LOXHD1: variants seen among roughly 807,000 people sequenced by gnomAD.
LOXHD1 encodes lipoxygenase homology domain-containing protein 1.
Under a neutral mutation model 248.2 loss-of-function variants are expected in LOXHD1, and 205 were observed. The ratio of observed to expected loss-of-function variants is 0.83; its 90% CI spans 0.74 to 0.93. The LOEUF is 0.93. Among genes scored for constraint, LOXHD1 ranks in the 40% least tolerant of loss-of-function variants. LOXHD1 has a pLI of 0.00. For synonymous variants in LOXHD1, 1,113 were observed against 1,162.8 expected (o/e 0.96, Z 0.87); for missense variants, 2,930 against 2,971.6 (o/e 0.99, Z 0.33).
At chr18:46,586,953 G>T (rs964509514) in intron 12 of LOXHD1, among the ~76,000 whole-genome samples, 1 of 152,226 alleles carries the variant, frequency 6.6e-6, no homozygotes, top group African/African-American at 2.4e-5. Flanking sequence ...CAAAGATAGA[G>T]TGTCTGTGGC....
Position 46,524,490 on chromosome 18 carries a change from C to T in LOXHD1, c.4852G>A (p.Ala1618Thr), listed in dbSNP as rs1031150446. The change falls in exon 31 of 41, where the codon GCT becomes ACT. Residue 1618 changes from alanine (A) to threonine (T), a missense_variant. By Grantham distance (58) the Ala-to-Thr change is moderately conservative. Coordinates refer to ENST00000642948, the MANE Select transcript of LOXHD1 (RefSeq NM_001384474.1). The stretch of plus-strand genomic sequence containing the variant: ...CTTGGGCCCTCTTGAACGTAGTCAG[C>T]CATGGGCCCGGTCACTGTGCTGATG... ...VDISTVTGPM[A>T]DYVQEGPIIP... 29 of 1,551,562 alleles carry T rather than the reference C, an allele frequency of 1.9e-5. No individual in the cohort carries two copies. Among genetic ancestry groups the T allele is most frequent in the Non-Finnish European group, 2.4e-5 (28 of 1,146,960 alleles).
chr18:46,629,370 T>C (rs1365873231), intron 4 of LOXHD1, among the ~76,000 whole-genome samples: 1 of 152,250 alleles, frequency 6.6e-6, no homozygotes, highest in East Asian at 1.9e-4. Flanking sequence ...AAGTCAGTGC[T>C]TCTGGCTTCT....
intron 40 of LOXHD1, among the ~76,000 whole-genome samples, chr18:46,482,289 C>G (rs2032643939): frequency 6.6e-6 from 1 of 152,208 alleles, no homozygotes; most frequent in East Asian, 1.9e-4. Flanking sequence ...AGATGGGGGA[C>G]TTCAAGAGAT....
At chr18:46,654,939 G>C (rs1400395344) in intron 1 of LOXHD1, among the ~76,000 whole-genome samples, 1 of 152,172 alleles carries the variant, frequency 6.6e-6, no homozygotes, top group Non-Finnish European at 1.5e-5. Flanking sequence ...AGCCAGACCA[G>C]CTGGATTCAA....
At chr18:46,632,604 G>C (rs952704589) in intron 4 of LOXHD1, among the ~76,000 whole-genome samples, 3 of 152,136 alleles carry the variant, frequency 2.0e-5, no homozygotes, top group Non-Finnish European at 4.4e-5. Context: ...CCACCAGGAA[G>C]ACAGTCACAC....
At chr18:46,573,462 A>C (rs2144106839) in intron 14 of LOXHD1, among the ~76,000 whole-genome samples, 1 of 152,328 alleles carries the variant, frequency 6.6e-6, no homozygotes, top group East Asian at 1.9e-4. Flanking sequence ...CAGGATACTG[A>C]GGAAAACAAG....
At chr18:46,562,384 T>C (rs937751628) in intron 18 of LOXHD1, among the ~76,000 whole-genome samples, 2 of 152,160 alleles carry the variant, frequency 1.3e-5, no homozygotes. Flanking sequence ...TGCACACACA[T>C]TGTCATATCT....
intron 23 of LOXHD1, among the ~76,000 whole-genome samples, chr18:46,543,226 T>A (rs1307526161): frequency 6.6e-6 from 1 of 152,144 alleles, no homozygotes; most frequent in African/African-American, 2.4e-5. Context: ...TGTTTTTGCA[T>A]CCTCATAGCT....
At chr18:46,478,536 T>C (rs2032242613) in intron 40 of LOXHD1, among the ~76,000 whole-genome samples, 1 of 152,200 alleles carries the variant, frequency 6.6e-6, no homozygotes, top group Non-Finnish European at 1.5e-5. Context: ...TGTGATCCTA[T>C]TGAGAGGTAA....
At chr18:46,645,252 T>C (rs527349719) in intron 2 of LOXHD1, among the ~76,000 whole-genome samples, 2 of 152,290 alleles carry the variant, frequency 1.3e-5, no homozygotes, top group African/African-American at 2.4e-5. Flanking sequence ...ATCTTAGAAA[T>C]CTTCATGTTT....
At chr18:46,514,773 G>T (rs1484977980) in intron 34 of LOXHD1, among the ~76,000 whole-genome samples, 5 of 152,140 alleles carry the variant, frequency 3.3e-5, no homozygotes, top group African/African-American at 1.2e-4. Flanking sequence ...TCCTTTTTGT[G>T]TCCAGTCTAA....
At chr18:46,591,857 C>A in intron 12 of LOXHD1, 76 bp downstream of exon 12, 1 of 1,519,540 alleles carries the variant, frequency 6.6e-7, no homozygotes, top group South Asian at 1.2e-5. Context: ...AGACTCTCAG[C>A]TCATAGGTCA....
At chr18:46,519,721 C>T (rs971447827) in intron 33 of LOXHD1, among the ~76,000 whole-genome samples, 62 of 152,270 alleles carry the variant, frequency 4.1e-4, no homozygotes, top group African/African-American at 1.3e-3. Context: ...AGAGCTGGTC[C>T]GTCCGACTCT....
At chr18:46,604,267 G>A (rs1220467849) in intron 6 of LOXHD1, 38 bp from the exon 7 acceptor site, 2 of 1,550,116 alleles carry the variant, frequency 1.3e-6, no homozygotes, top group Admixed American at 3.9e-5. Context: ...GTAGATAAGT[G>A]TTGTTGAGGG....
chr18:46,551,761 G>A (rs2143893189), intron 21 of LOXHD1, among the ~76,000 whole-genome samples: 1 of 152,270 alleles, frequency 6.6e-6, no homozygotes, highest in South Asian at 2.1e-4. Context: ...GGGATGTGAG[G>A]CTGTGTGCAG....
At chr18:46,510,013 T>G (rs1042694494) in intron 34 of LOXHD1, among the ~76,000 whole-genome samples, 198 bp from the exon 35 acceptor site, 5 of 152,218 alleles carry the variant, frequency 3.3e-5, no homozygotes, top group African/African-American at 4.8e-5. Context: ...TAAGTGAGTT[T>G]GGCTAGTAGA....
chr18:46,495,959 G>A (rs1351662512), intron 37 of LOXHD1, among the ~76,000 whole-genome samples: 2 of 152,276 alleles, frequency 1.3e-5, no homozygotes, highest in Admixed American at 6.5e-5. Flanking sequence ...TTGAACCTGG[G>A]AGGCGGAGGT....
intron 1 of LOXHD1, among the ~76,000 whole-genome samples, chr18:46,656,491 A>G (rs1395135050): frequency 1.3e-5 from 2 of 152,200 alleles, no homozygotes; most frequent in Non-Finnish European, 2.9e-5. Flanking sequence ...CAGTGGGCAT[A>G]GGATGAGCTG....
chr18:46,535,593 G>T (rs1479326572), intron 26 of LOXHD1, among the ~76,000 whole-genome samples: 1 of 151,942 alleles, frequency 6.6e-6, no homozygotes, highest in Non-Finnish European at 1.5e-5. Flanking sequence ...TGTTGTTGTT[G>T]TTGTTGTTGT....
Sources: gnomAD v4.1 joint callset for allele counts (sites outside exome capture counted in the v4.1 genomes callset) on GRCh38, gnomAD v4.1.1 for gene constraint, MANE v1.5 for transcripts, NCBI Gene and HGNC (gene_info 2026-07-23, HGNC 2026-07-21) for gene names.